The following METTL15 variants were observed in gnomAD, a reference collection of about 807,000 sequenced individuals.
METTL15 encodes the protein methyltransferase 15, mitochondrial 12S rRNA N4-cytidine, also known as 12S rRNA N(4)-cytidine methyltransferase METTL15.
METTL15 carries 34 observed loss-of-function variants against 38.3 expected under a neutral mutation model. The observed-to-expected ratio is 0.89, with a 90% confidence interval of 0.68 to 1.18. The LOEUF (loss-of-function observed/expected upper bound fraction) is 1.18, where lower values mean the gene tolerates loss of function less well. Ranked by LOEUF, METTL15 falls within the 50% of genes most tolerant of loss-of-function variation. METTL15 has a pLI of 0.00. For synonymous variants in METTL15, 162 were observed against 170.9 expected (o/e 0.95, Z 0.41); for missense variants, 438 against 498.4 (o/e 0.88, Z 1.15).
At chr11:28,502,131 C>T (rs1025857744) in intron 6 of METTL15, among the ~76,000 whole-genome samples, 2 of 151,290 alleles carry the variant, frequency 1.3e-5, no homozygotes, top group Admixed American at 6.6e-5. Context: ...AAAAGCTCTT[C>T]CACAAGGGCA....
chr11:28,426,687 T>G (rs909238507), intron 6 of METTL15, among the ~76,000 whole-genome samples: 4 of 151,660 alleles, frequency 2.6e-5, no homozygotes, highest in African/African-American at 9.7e-5. Flanking sequence ...TAATGATCAG[T>G]GCTGTTGAGC....
intron 4 of METTL15, among the ~76,000 whole-genome samples, chr11:28,225,098 T>G (rs1036597165): frequency 1.3e-5 from 2 of 151,854 alleles, no homozygotes; most frequent in African/African-American, 4.8e-5. Context: ...AAAGTAATAC[T>G]CCTTTATTTG....
At chr11:28,147,789 A>AT (rs1485156864) in intron 3 of METTL15, among the ~76,000 whole-genome samples, 1 of 151,792 alleles carries the variant, frequency 6.6e-6, no homozygotes, top group African/African-American at 2.4e-5. Flanking sequence ...AAAAAACAAC[A>AT]TTTTTACCTT....
chr11:28,119,805 A>G (rs992570463), intron 3 of METTL15, among the ~76,000 whole-genome samples: 1 of 152,204 alleles, frequency 6.6e-6, no homozygotes, highest in Non-Finnish European at 1.5e-5. Context: ...GAGAGTAGAC[A>G]TCAAAGAGAA....
chr11:28,249,150 C>T (rs1363032351), intron 4 of METTL15, among the ~76,000 whole-genome samples: 1 of 151,856 alleles, frequency 6.6e-6, no homozygotes, highest in Non-Finnish European at 1.5e-5. Context: ...GACTGACTCC[C>T]TCACAAGCTC....
At chr11:28,160,544 T>C (rs1349047498) in intron 3 of METTL15, among the ~76,000 whole-genome samples, 2 of 152,136 alleles carry the variant, frequency 1.3e-5, no homozygotes, top group Non-Finnish European at 2.9e-5. Context: ...TGGTTAAATA[T>C]CGATCTGCTG....
At chr11:28,114,891 TAAAAGAA>T (rs1565101174) in intron 3 of METTL15, among the ~76,000 whole-genome samples, 2 of 152,180 alleles carry the variant, frequency 1.3e-5, no homozygotes, top group African/African-American at 4.8e-5. Context: ...ATTACAGTCT[TAAAAGAA>T]AAAGAACATT....
rs762681900 is a variant in METTL15, at chr11:28,483,252, C to A, written c.*425-43226C>A. Among the ~76,000 whole-genome samples the A allele has an allele frequency of 7.2e-5, 11 of 152,216 alleles. No individual in the cohort carries two copies. In the South Asian group the frequency reaches 1.2e-3, roughly 17 times the overall value. On this transcript the variant is annotated intron_variant and NMD_transcript_variant, in intron 6 of 7. Transcript: ENST00000532947. Reference sequence around the variant, plus strand: ...CGACAAGACGACAGAAGACAGCCAGCGTATCTGGTGGGTGGCAATGGCGGG... The same window carrying A: ...CGACAAGACGACAGAAGACAGCCAGAGTATCTGGTGGGTGGCAATGGCGGG...
chr11:28,334,273 T>C (rs565825254), downstream of METTL15, among the ~76,000 whole-genome samples: 2 of 152,186 alleles, frequency 1.3e-5, no homozygotes, highest in South Asian at 2.1e-4. Context: ...AAAAGAAATA[T>C]TAGGTAATTT....
At chr11:28,524,910 G>C (rs1851796546) in intron 6 of METTL15, among the ~76,000 whole-genome samples, 1 of 152,166 alleles carries the variant, frequency 6.6e-6, no homozygotes, top group South Asian at 2.1e-4. Context: ...TCCGGAGTTT[G>C]TTCCTTCTGA....
rs1278620623 is a variant in METTL15, at chr11:28,296,875, A to G, written c.722A>G (p.Gln241Arg). ...HAKKIASAIVQARSIYPITRT... is the reference protein window; with the variant it reads ...HAKKIASAIVRARSIYPITRT... ...AAGAAAATCGCTTCAGCAATTGTTC[A>G]GGCACGCAGCATCTACCCCATCACC... Residue 241 changes from glutamine to arginine, a missense_variant, in exon 6 of 7, where the codon CAG (glutamine) becomes CGG (arginine). Gln to Arg is a conservative substitution (Grantham distance 43). Coordinates refer to ENST00000407364, the MANE Select transcript of METTL15 (RefSeq NM_001113528.2). 6.2e-7 allele frequency: 1 copy of G among 1,613,630 alleles called. No individual in the cohort carries two copies. The highest frequency in any genetic ancestry group is 1.7e-5 in the Admixed American group (1 of 59,896).
At chr11:28,379,899 G>T (rs552608821) in intron 5 of METTL15, among the ~76,000 whole-genome samples, 2 of 152,218 alleles carry the variant, frequency 1.3e-5, no homozygotes, top group South Asian at 4.2e-4. Flanking sequence ...TCCAGTGATG[G>T]TTGTGTAGAT....
intron 4 of METTL15, among the ~76,000 whole-genome samples, chr11:28,235,022 G>A (rs1266734802): frequency 9.2e-5 from 14 of 152,110 alleles, no homozygotes; most frequent in African/African-American, 1.4e-4. Context: ...CTTTCTACAT[G>A]TGGCTAGCCA....
At chr11:28,250,425 G>T (rs1405890246) in intron 4 of METTL15, among the ~76,000 whole-genome samples, 1 of 151,910 alleles carries the variant, frequency 6.6e-6, no homozygotes. Context: ...GTTTGAGATG[G>T]TACCACATTA....
chr11:28,515,153 A>G (rs1160899740), intron 6 of METTL15, among the ~76,000 whole-genome samples: 2 of 152,206 alleles, frequency 1.3e-5, no homozygotes, highest in Non-Finnish European at 2.9e-5. Flanking sequence ...GAAAAGCATA[A>G]GAAAGAATAA....
chr11:28,370,429 A>G (rs1850231434), intron 5 of METTL15, among the ~76,000 whole-genome samples: 1 of 152,000 alleles, frequency 6.6e-6, no homozygotes, highest in Admixed American at 6.6e-5. Flanking sequence ...CATGATGTCT[A>G]CATATCATAT....
intron 2 of METTL15, among the ~76,000 whole-genome samples, 196 bp from the exon 3 acceptor site, chr11:28,113,122 G>A (rs1188874470): frequency 1.3e-5 from 2 of 151,878 alleles, no homozygotes; most frequent in Admixed American, 6.6e-5. Context: ...TTTAAATTAC[G>A]TCTCTGGGTC....
downstream of METTL15, among the ~76,000 whole-genome samples, chr11:28,532,014 C>A (rs1045640570): frequency 6.6e-6 from 1 of 151,976 alleles, no homozygotes; most frequent in Non-Finnish European, 1.5e-5. Context: ...GGAGATGAAG[C>A]TCTTTTAGAA....
At chr11:28,405,557 A>C (rs1356953114) in intron 5 of METTL15, among the ~76,000 whole-genome samples, 1 of 152,150 alleles carries the variant, frequency 6.6e-6, no homozygotes, top group African/African-American at 2.4e-5. Flanking sequence ...GTTCCATATA[A>C]TATTCTCCTT....
Sources: gnomAD v4.1 joint callset for allele counts (sites outside exome capture counted in the v4.1 genomes callset) on GRCh38, gnomAD v4.1.1 for gene constraint, MANE v1.5 for transcripts, NCBI Gene and HGNC (gene_info 2026-07-23, HGNC 2026-07-21) for gene names.